OXSR1: variants seen among roughly 807,000 people sequenced by gnomAD.
The protein encoded by OXSR1 is oxidative stress responsive kinase 1.
A neutral mutation model predicts 79.8 loss-of-function variants in OXSR1; 24 were observed. The observed-to-expected ratio is 0.30, with a 90% CI of 0.22 to 0.42. OXSR1 has a LOEUF of 0.42. Ranked by LOEUF, OXSR1 falls within the 10% of genes least tolerant of loss-of-function variation. The pLI is 1.00. For synonymous variants in OXSR1, 226 were observed against 209.2 expected (o/e 1.08, Z -0.69); for missense variants, 430 against 618.4 (o/e 0.70, Z 3.23).
intron 16 of OXSR1, among the ~76,000 whole-genome samples, chr3:38,251,766 G>C (rs1172773973): frequency 6.6e-6 from 1 of 152,192 alleles, no homozygotes; most frequent in African/African-American, 2.4e-5. Context: ...TATCTGATCT[G>C]TTTTGGATAC....
chr3:38,212,671 T>A (rs1702410452), intron 4 of OXSR1, among the ~76,000 whole-genome samples: 1 of 152,228 alleles, frequency 6.6e-6, no homozygotes, highest in Non-Finnish European at 1.5e-5. Flanking sequence ...TCTGTGATAT[T>A]CTTTTTAATT....
intron 1 of OXSR1, among the ~76,000 whole-genome samples, chr3:38,179,766 T>C (rs1701746292): frequency 6.6e-6 from 1 of 151,996 alleles, no homozygotes; most frequent in African/African-American, 2.4e-5. Context: ...TTTCTCATCC[T>C]GTGAATACTG....
chr3:38,165,080 G>T (rs1425212633), upstream of OXSR1: 4 of 152,288 alleles, frequency 2.6e-5, 1 homozygote, highest in Middle Eastern at 6.3e-3. Context: ...GCGCGGTAAC[G>T]GAGCTCTTGA....
In OXSR1 at chr3:38,165,709, C is replaced by T; in HGVS notation, c.-168C>T. On this transcript the variant is annotated 5_prime_UTR_variant, in exon 1 of 18. Transcript: ENST00000311806. ...GGAGCTCTGAGCCCCCGCTGCTCTG[C>T]CGCGCGGTGACCCCGCGCCCCGGCG... 2 of 583,378 alleles carry T rather than the reference C, an allele frequency of 3.4e-6. No homozygotes were observed. The highest frequency in any genetic ancestry group is 2.1e-5 in the South Asian group (1 of 47,568). The allele number at this position is 583,378 out of a possible 1,614,324, so 36.1% of individuals were successfully genotyped here.
intron 3 of OXSR1, 136 bp from the exon 4 acceptor site, chr3:38,198,586 C>T: frequency 1.8e-6 from 1 of 561,776 alleles, no homozygotes; most frequent in Non-Finnish European, 3.0e-6. Flanking sequence ...TTCTGTATTT[C>T]CTCATATTTG....
intron 1 of OXSR1, among the ~76,000 whole-genome samples, chr3:38,170,530 C>G (rs76848852): frequency 1.1e-3 from 173 of 151,564 alleles, no homozygotes; most frequent in African/African-American, 4.1e-3. Context: ...GCATTTAAGC[C>G]TCTGATACAT....
chr3:38,214,171 C>CTTT (rs749047070), intron 4 of OXSR1, among the ~76,000 whole-genome samples: 1 of 139,200 alleles, frequency 7.2e-6, no homozygotes, highest in Non-Finnish European at 1.6e-5. Context: ...TTATACACTA[C>CTTT]TTTTTTTTTT....
At chr3:38,218,689 C>T (rs1702532112) in intron 5 of OXSR1, among the ~76,000 whole-genome samples, 2 of 152,076 alleles carry the variant, frequency 1.3e-5, no homozygotes, top group Admixed American at 6.6e-5. Flanking sequence ...TGATTATCTA[C>T]TTTTTCTTTT....
Position 38,180,919 on chromosome 3 carries a change from A to C in OXSR1, c.71-2084A>C, listed in dbSNP as rs542230224. 2.1e-3 allele frequency among the ~76,000 whole-genome samples: 315 copies of C among 152,154 alleles called. 2 individuals carry two copies. The highest frequency in any genetic ancestry group is 7.3e-3 in the African/African-American group (304 of 41,502). Reference sequence around the variant, plus strand: ...CACTTACGAGGTCCCTTATGATTACATTGGGCCCACCCAGACAATTTAGGA... The same window carrying C: ...CACTTACGAGGTCCCTTATGATTACCTTGGGCCCACCCAGACAATTTAGGA... On this transcript the variant is annotated intron_variant, in intron 1 of 17. Coordinates refer to ENST00000311806, the MANE Select transcript of OXSR1 (RefSeq NM_005109.3).
intron 1 of OXSR1, among the ~76,000 whole-genome samples, chr3:38,173,752 G>A (rs1701627410): frequency 6.6e-6 from 1 of 152,076 alleles, no homozygotes; most frequent in Non-Finnish European, 1.5e-5. Flanking sequence ...AATATTTCTT[G>A]AACTCCTGTT....
intron 1 of OXSR1, among the ~76,000 whole-genome samples, chr3:38,176,342 A>G (rs373053313): frequency 8.5e-5 from 13 of 152,192 alleles, no homozygotes; most frequent in African/African-American, 3.1e-4. Flanking sequence ...ATATTGGTGA[A>G]TAGTTAAAAT....
At chr3:38,237,308 G>T (rs1458304227) in intron 11 of OXSR1, among the ~76,000 whole-genome samples, 1 of 152,140 alleles carries the variant, frequency 6.6e-6, no homozygotes, top group Non-Finnish European at 1.5e-5. Flanking sequence ...CCTGAAGTCT[G>T]TTATCCTTCT....
At chr3:38,234,682 C>G (rs1440832613) in intron 10 of OXSR1, among the ~76,000 whole-genome samples, 1 of 152,220 alleles carries the variant, frequency 6.6e-6, no homozygotes, top group East Asian at 1.9e-4. Flanking sequence ...AGCAGTCTGG[C>G]AGTTCCTCAG....
intron 3 of OXSR1, among the ~76,000 whole-genome samples, chr3:38,195,169 A>G (rs564565166): frequency 4.2e-4 from 64 of 152,326 alleles, no homozygotes; most frequent in African/African-American, 1.4e-3. Flanking sequence ...CTAAACTGCA[A>G]ATGTAAGCTT....
intron 4 of OXSR1, among the ~76,000 whole-genome samples, chr3:38,205,150 T>C (rs540647656): frequency 3.6e-4 from 55 of 152,308 alleles, no homozygotes; most frequent in African/African-American, 1.3e-3. Flanking sequence ...CAGCTACTTC[T>C]GGGAAATGGG....
chr3:38,248,282 AT>A (rs1003656862), intron 14 of OXSR1, among the ~76,000 whole-genome samples: 4 of 151,926 alleles, frequency 2.6e-5, no homozygotes, highest in Non-Finnish European at 5.9e-5. Flanking sequence ...GTCCTGACAG[AT>A]TGCTCAGCAG....
At chr3:38,203,431 T>C (rs1055252312) in intron 4 of OXSR1, among the ~76,000 whole-genome samples, 5 of 152,152 alleles carry the variant, frequency 3.3e-5, no homozygotes, top group African/African-American at 1.2e-4. Context: ...CTTGTGTCTT[T>C]ATTTATTACA....
At chr3:38,200,080 T>C (rs1023018560) in intron 4 of OXSR1, among the ~76,000 whole-genome samples, 7 of 152,196 alleles carry the variant, frequency 4.6e-5, no homozygotes, top group African/African-American at 1.7e-4. Flanking sequence ...GATGTGGGCC[T>C]ACCGGCTGTA....
intron 4 of OXSR1, among the ~76,000 whole-genome samples, chr3:38,199,717 C>T (rs950843844): frequency 6.6e-6 from 1 of 151,950 alleles, no homozygotes; most frequent in Non-Finnish European, 1.5e-5. Context: ...GATTTTTTTT[C>T]TCCTGGCACT....
Sources: allele counts gnomAD v4.1 joint callset (sites outside exome capture counted in the v4.1 genomes callset), GRCh38; gene constraint gnomAD v4.1.1; transcripts MANE v1.5; gene names NCBI Gene and HGNC (gene_info 2026-07-23, HGNC 2026-07-21).